BBX: variants seen among roughly 807,000 people sequenced by gnomAD.
The protein encoded by BBX is BBX high mobility group box domain containing, also known as HMG box transcription factor BBX.
A neutral mutation model predicts 100.2 loss-of-function variants in BBX; 30 were observed. That is an observed-to-expected ratio of 0.30 (90% CI 0.22 to 0.41). The LOEUF is 0.41. BBX is among the 10% of genes least tolerant of loss of function. The pLI is 1.00. For synonymous variants in BBX, 376 were observed against 388.1 expected (o/e 0.97, Z 0.37); for missense variants, 1,023 against 1,129.8 (o/e 0.91, Z 1.35).
intron 2 of BBX, among the ~76,000 whole-genome samples, chr3:107,631,951 T>C (rs943001675): frequency 6.6e-6 from 1 of 152,236 alleles, no homozygotes; most frequent in Non-Finnish European, 1.5e-5. Context: ...TCAAAGTGAT[T>C]TGAAAATGGT....
At chr3:107,678,739 A>AG in intron 3 of BBX, among the ~76,000 whole-genome samples, 1 of 152,070 alleles carries the variant, frequency 6.6e-6, no homozygotes, top group Non-Finnish European at 1.5e-5. Context: ...GAAGAAAAAA[A>AG]AAGTTGTTAA....
chr3:107,726,696 G>A (rs192196786), intron 5 of BBX, among the ~76,000 whole-genome samples: 1 of 152,136 alleles, frequency 6.6e-6, no homozygotes, highest in Admixed American at 6.6e-5. Context: ...GCCCGAGCCA[G>A]GGGAAGCCAT....
At position 107,612,225 on chromosome 3, in the gene BBX, C is replaced by A. The variant is rs111287498; in HGVS notation, c.-83-33611C>A. ...GGTCACATGGTTCTGTCTCTCCGTG[C>A]TTGGCCCCTGGTGCCTTAGTTTGTT... On this transcript the variant is annotated intron_variant, in intron 2 of 17. Transcript: ENST00000325805. Among the ~76,000 whole-genome samples, 355 of 152,186 alleles carry A rather than the reference C, an allele frequency of 2.3e-3. 3 individuals are homozygous for A. Among genetic ancestry groups the A allele is most frequent in the African/African-American group, 8.0e-3 (333 of 41,536 alleles).
intron 4 of BBX, among the ~76,000 whole-genome samples, chr3:107,714,793 CT>C (rs956930225): frequency 2.4e-4 from 35 of 146,420 alleles, no homozygotes; most frequent in African/African-American, 2.7e-4. Flanking sequence ...CGGCAAAAGA[CT>C]TTTTTTTTTT....
chr3:107,532,148 C>T (rs557811758), intron 2 of BBX, among the ~76,000 whole-genome samples: 13 of 151,920 alleles, frequency 8.6e-5, no homozygotes, highest in African/African-American at 2.9e-4. Flanking sequence ...GAGCCATGAT[C>T]GTGTCACCGC....
chr3:107,690,886 C>G (rs927315920), intron 3 of BBX, among the ~76,000 whole-genome samples: 1 of 86,416 alleles, frequency 1.2e-5, no homozygotes, highest in Non-Finnish European at 2.6e-5. Context: ...TTTGATGCCC[C>G]CCCCCCTTTT....
chr3:107,662,773 T>C (rs2058529187), intron 3 of BBX: 1 of 151,900 alleles, frequency 6.6e-6, no homozygotes, highest in African/African-American at 2.4e-5. Flanking sequence ...CCAGCTGTAC[T>C]AGCTTTTAAA....
intron 2 of BBX, among the ~76,000 whole-genome samples, chr3:107,623,389 G>A (rs1298076573): frequency 6.6e-6 from 1 of 152,142 alleles, no homozygotes. Context: ...TTGAGGCCCA[G>A]CATGTGAAAG....
At chr3:107,768,486 G>A (rs2066576422) in intron 10 of BBX, among the ~76,000 whole-genome samples, 1 of 152,150 alleles carries the variant, frequency 6.6e-6, no homozygotes, top group Admixed American at 6.5e-5. Flanking sequence ...GCCATGTTTT[G>A]CTCAACATTA....
intron 2 of BBX, among the ~76,000 whole-genome samples, chr3:107,609,784 T>C (rs1251546313): frequency 6.6e-6 from 1 of 152,058 alleles, no homozygotes; most frequent in African/African-American, 2.4e-5. Context: ...TTAGCCTGGC[T>C]AAGGTTTGTC....
chr3:107,671,333 T>A (rs557011379), intron 3 of BBX, among the ~76,000 whole-genome samples: 3 of 152,218 alleles, frequency 2.0e-5, no homozygotes, highest in Non-Finnish European at 2.9e-5. Context: ...AATCCACATG[T>A]AGTGTATTTT....
intron 3 of BBX, among the ~76,000 whole-genome samples, chr3:107,701,810 A>G (rs1433842109): frequency 8.3e-6 from 1 of 120,708 alleles, no homozygotes; most frequent in Non-Finnish European, 1.8e-5. Context: ...CAGGTTTCTC[A>G]TCTGTAAAAA....
intron 7 of BBX, among the ~76,000 whole-genome samples, chr3:107,743,382 G>T (rs1178981139): frequency 1.3e-5 from 2 of 152,050 alleles, no homozygotes; most frequent in African/African-American, 4.8e-5. Flanking sequence ...AATTCATTTT[G>T]TGTCTCCTTG....
intron 13 of BBX, among the ~76,000 whole-genome samples, chr3:107,780,439 C>T (rs551946731): frequency 2.0e-5 from 3 of 151,978 alleles, no homozygotes; most frequent in South Asian, 2.1e-4. Flanking sequence ...GTTGTCTGTA[C>T]GATTTTTCTC....
chr3:107,783,541 A>G (rs565256265), intron 13 of BBX, among the ~76,000 whole-genome samples: 1 of 152,150 alleles, frequency 6.6e-6, no homozygotes, highest in Admixed American at 6.6e-5. Flanking sequence ...CTACTTCTTT[A>G]TATCATTCTT....
chr3:107,724,978 A>T (rs552066006), intron 5 of BBX, among the ~76,000 whole-genome samples: 9 of 152,302 alleles, frequency 5.9e-5, no homozygotes, highest in Non-Finnish European at 8.8e-5. Flanking sequence ...GATCGCATTG[A>T]ATCTGTAAAT....
At chr3:107,664,080 C>A (rs145897742) in intron 3 of BBX, among the ~76,000 whole-genome samples, 1 of 152,210 alleles carries the variant, frequency 6.6e-6, no homozygotes, top group Non-Finnish European at 1.5e-5. Flanking sequence ...GCTGGGCTTA[C>A]AAGTGTGAGC....
chr3:107,778,988 C>A (rs1301412853), intron 13 of BBX, among the ~76,000 whole-genome samples: 1 of 64,602 alleles, frequency 1.5e-5, no homozygotes. Context: ...TGAAATCCTC[C>A]AGCAACATAT....
At chr3:107,578,318 A>G (rs2051967676) in intron 2 of BBX, among the ~76,000 whole-genome samples, 1 of 152,202 alleles carries the variant, frequency 6.6e-6, no homozygotes, top group South Asian at 2.1e-4. Context: ...GGCAACAGCA[A>G]GGAGCTACAG....
Sources: gnomAD v4.1 joint callset for allele counts (sites outside exome capture counted in the v4.1 genomes callset) on GRCh38, gnomAD v4.1.1 for gene constraint, MANE v1.5 for transcripts, NCBI Gene and HGNC (gene_info 2026-07-23, HGNC 2026-07-21) for gene names.